GAREM1: variants seen among roughly 807,000 people sequenced by gnomAD.
The protein encoded by GAREM1 is GRB2 associated regulator of MAPK1 subtype 1.
In GAREM1, 26 loss-of-function variants were observed where a neutral mutation model predicts 71.3. The ratio of observed to expected loss-of-function variants is 0.36; its 90% CI spans 0.27 to 0.51. GAREM1 has a LOEUF of 0.51. GAREM1 is among the 20% of genes least tolerant of loss of function. GAREM1 has a pLI of 0.95. For synonymous variants in GAREM1, 440 were observed against 433.2 expected (o/e 1.02, Z -0.20); for missense variants, 1,026 against 1,103.1 (o/e 0.93, Z 0.99).
chr18:32,458,270 G>C (rs984072403), intron 1 of GAREM1, among the ~76,000 whole-genome samples: 15 of 152,024 alleles, frequency 9.9e-5, no homozygotes, highest in African/African-American at 3.6e-4. Flanking sequence ...TATCAACAAT[G>C]AAGTCATCTT....
chr18:32,305,678 C>T (rs1311386762), intron 3 of GAREM1, among the ~76,000 whole-genome samples: 1 of 152,160 alleles, frequency 6.6e-6, no homozygotes, highest in Middle Eastern at 3.2e-3. Flanking sequence ...CACCCCCATG[C>T]CCAACTAATT....
rs1466906572 is a variant in GAREM1, at chr18:32,268,100, G to A, written c.2402C>T (p.Pro801Leu). 1 of 1,614,130 alleles carries A rather than the reference G, an allele frequency of 6.2e-7. No individual in the cohort carries two copies. Among genetic ancestry groups the A allele is most frequent in the Non-Finnish European group, 8.5e-7 (1 of 1,180,022 alleles). Residue 801 changes from proline to leucine, a missense_variant, in exon 6 of 6, where the codon CCA (proline) becomes CTA (leucine). By Grantham distance (98) the Pro-to-Leu change is moderately conservative. Around this residue, in one of 3 missense-constraint regions of GAREM1, gnomAD observed 636 missense variants for 631.2 expected, o/e 1.01. Coordinates refer to ENST00000269209, the MANE Select transcript of GAREM1 (RefSeq NM_001242409.2). ...TGATAGGTCAGCAGGTGGCTGCCAT[G>A]GGGAACCGTCGCCACAGGATCTGGG... Reference protein sequence around the residue: ...LAPRSCGDGSPWQPPADLSGL... With the variant: ...LAPRSCGDGSLWQPPADLSGL...
At chr18:32,459,278 G>C (rs1178194996) in intron 1 of GAREM1, among the ~76,000 whole-genome samples, 1 of 151,842 alleles carries the variant, frequency 6.6e-6, no homozygotes, top group African/African-American at 2.4e-5. Flanking sequence ...TCAGACTACT[G>C]CTATATGAAA....
intron 1 of GAREM1, among the ~76,000 whole-genome samples, chr18:32,417,183 C>T (rs879293163): frequency 1.3e-5 from 2 of 152,112 alleles, no homozygotes; most frequent in African/African-American, 4.8e-5. Flanking sequence ...TCATTTCACC[C>T]CAGTTAAAAT....
At chr18:32,373,853 T>C (rs944737418) in intron 2 of GAREM1, among the ~76,000 whole-genome samples, 2 of 152,224 alleles carry the variant, frequency 1.3e-5, no homozygotes, top group Non-Finnish European at 2.9e-5. Context: ...CTTTAAGGTC[T>C]TATAAAACAA....
At chr18:32,387,693 T>C (rs1487777459) in intron 2 of GAREM1, among the ~76,000 whole-genome samples, 1 of 152,206 alleles carries the variant, frequency 6.6e-6, no homozygotes, top group Non-Finnish European at 1.5e-5. Context: ...TGTCTTTATT[T>C]TCCCAAAGCA....
At chr18:32,411,760 G>A (rs2048420023) in intron 1 of GAREM1, among the ~76,000 whole-genome samples, 2 of 151,974 alleles carry the variant, frequency 1.3e-5, no homozygotes, top group South Asian at 4.1e-4. Context: ...CACCCAAGCA[G>A]GTTGTATATA....
chr18:32,410,780 C>T (rs936499561), intron 1 of GAREM1, among the ~76,000 whole-genome samples: 1 of 152,126 alleles, frequency 6.6e-6, no homozygotes, highest in Non-Finnish European at 1.5e-5. Flanking sequence ...ATAGAAGTCT[C>T]TCAACAAATA....
intron 2 of GAREM1, among the ~76,000 whole-genome samples, chr18:32,385,101 AT>A (rs2048132768): frequency 6.6e-6 from 1 of 151,990 alleles, no homozygotes. Context: ...GTCTAGAAAG[AT>A]TTCTCAGATT....
chr18:32,319,367 T>G (rs887295050), intron 2 of GAREM1, among the ~76,000 whole-genome samples: 3 of 152,224 alleles, frequency 2.0e-5, no homozygotes, highest in Admixed American at 1.3e-4. Flanking sequence ...TTTAATCTTA[T>G]GTATGCATGT....
Position 32,270,354 on chromosome 18 carries a change from G to T in GAREM1, c.1596C>A (p.Ala532=). 1.2e-6 allele frequency: 2 copies of T among 1,613,650 alleles called. No homozygotes were observed. The highest frequency in any genetic ancestry group is 1.7e-6 in the Non-Finnish European group (2 of 1,179,884). ...TTGCGCTTCGGGGTGGAACAGGTGG[G>T]GCGTTCAGGAGCCGGCATTCTTCTC... is the stretch of plus-strand genomic sequence containing the variant. ...AVREECRLLN[A]PPVPPRSAKP... Residue 532 remains alanine (A), a synonymous_variant, in exon 5 of 6, where the codon GCC becomes GCA. Coordinates refer to ENST00000269209, the MANE Select transcript of GAREM1 (RefSeq NM_001242409.2).
intron 1 of GAREM1, among the ~76,000 whole-genome samples, chr18:32,464,627 T>G: frequency 6.6e-6 from 1 of 152,188 alleles, no homozygotes; most frequent in East Asian, 1.9e-4. Context: ...GATTACCAGA[T>G]CAATAACCTG....
chr18:32,367,028 T>C (rs1199622972), intron 2 of GAREM1, among the ~76,000 whole-genome samples: 1 of 152,180 alleles, frequency 6.6e-6, no homozygotes, highest in Non-Finnish European at 1.5e-5. Flanking sequence ...GCTCATGTCT[T>C]TAATATTTAA....
intron 2 of GAREM1, among the ~76,000 whole-genome samples, chr18:32,376,395 G>A (rs1276263602): frequency 6.6e-6 from 1 of 152,184 alleles, no homozygotes; most frequent in East Asian, 1.9e-4. Flanking sequence ...TTTACATCTC[G>A]TCACTAAAAT....
At chr18:32,466,646 TTCCCAC>T (rs2049001936) in intron 1 of GAREM1, among the ~76,000 whole-genome samples, 1 of 152,136 alleles carries the variant, frequency 6.6e-6, no homozygotes, top group Non-Finnish European at 1.5e-5. Flanking sequence ...AATGAACAAT[TTCCCAC>T]CCATCCAGTT....
intron 1 of GAREM1, among the ~76,000 whole-genome samples, chr18:32,466,837 G>C (rs932681036): frequency 5.3e-5 from 8 of 152,156 alleles, no homozygotes; most frequent in African/African-American, 1.9e-4. Context: ...CAGCTGATGA[G>C]ATACATCTCA....
chr18:32,436,519 A>T (rs1159033265), intron 1 of GAREM1, among the ~76,000 whole-genome samples: 2 of 152,258 alleles, frequency 1.3e-5, no homozygotes, highest in Non-Finnish European at 2.9e-5. Flanking sequence ...ATTAGAAGCC[A>T]GCCCTCTGTC....
intron 2 of GAREM1, among the ~76,000 whole-genome samples, chr18:32,326,734 T>A (rs1207087702): frequency 6.6e-6 from 1 of 152,208 alleles, no homozygotes; most frequent in Admixed American, 6.5e-5. Context: ...TGCTCCCATC[T>A]CCCAATACTT....
intron 1 of GAREM1, among the ~76,000 whole-genome samples, chr18:32,468,221 TCATTA>T (rs2049016401): frequency 6.6e-6 from 1 of 152,230 alleles, no homozygotes; most frequent in Admixed American, 6.5e-5. Context: ...ACAACAGTAT[TCATTA>T]CATCACAATT....
Sources: gnomAD v4.1 joint callset for allele counts (sites outside exome capture counted in the v4.1 genomes callset) on GRCh38, gnomAD v4.1.1 for gene constraint, gnomAD v4.1.1 regional missense constraint, MANE v1.5 for transcripts, NCBI Gene and HGNC (gene_info 2026-07-23, HGNC 2026-07-21) for gene names.